NPAS3: variants seen among roughly 807,000 people sequenced by gnomAD.
NPAS3 encodes the protein neuronal PAS domain-containing protein 3.
A neutral mutation model predicts 73.1 loss-of-function variants in NPAS3; 14 were observed. That is an observed-to-expected ratio of 0.19 (90% CI 0.13 to 0.30). NPAS3 has a LOEUF of 0.30. NPAS3 is among the 10% of genes least tolerant of loss of function. NPAS3 has a pLI of 1.00. For missense variants in NPAS3, 1,096 were observed against 1,250.0 expected, an observed-to-expected ratio of 0.88 and a Z score of 1.86; for synonymous variants, 620 against 541.5, an observed-to-expected ratio of 1.14 and a Z score of -2.01.
chr14:33,793,914 T>C (rs769817003), exon 10 of NPAS3: 1 of 1,613,698 alleles, frequency 6.2e-7, no homozygotes, highest in Admixed American at 1.7e-5. Context: ...TAAGGGTCAG[T>C]GTGTGACAAA....
intron 6 of NPAS3, among the ~76,000 whole-genome samples, chr14:33,706,493 T>C (rs2060659773): frequency 6.6e-6 from 1 of 152,200 alleles, no homozygotes; most frequent in East Asian, 1.9e-4. Context: ...TAGATCTGGC[T>C]GTTTCTCATG....
At chr14:33,378,336 C>G (rs559947889) in intron 4 of NPAS3, among the ~76,000 whole-genome samples, 29 of 152,278 alleles carry the variant, frequency 1.9e-4, no homozygotes, top group African/African-American at 7.0e-4. Flanking sequence ...GAGCAAGTCA[C>G]TTCCTGTGAT....
chr14:33,436,795 T>C (rs939414160), intron 4 of NPAS3, among the ~76,000 whole-genome samples: 1 of 152,238 alleles, frequency 6.6e-6, no homozygotes, highest in African/African-American at 2.4e-5. Context: ...ACAATTCAGA[T>C]GCATACATGG....
intron 5 of NPAS3, among the ~76,000 whole-genome samples, chr14:33,599,574 A>G (rs573751606): frequency 1.3e-5 from 2 of 152,300 alleles, no homozygotes; most frequent in Non-Finnish European, 2.9e-5. Context: ...TTTAATATTC[A>G]TACTTCTAAA....
At chr14:33,309,661 T>C (rs1284091116) in intron 3 of NPAS3, among the ~76,000 whole-genome samples, 1 of 152,228 alleles carries the variant, frequency 6.6e-6, no homozygotes, top group Non-Finnish European at 1.5e-5. Context: ...TGTACCACTT[T>C]AAAGGAATGA....
At chr14:33,494,695 G>A (rs1013964168) in intron 4 of NPAS3, among the ~76,000 whole-genome samples, 6 of 152,006 alleles carry the variant, frequency 3.9e-5, no homozygotes, top group African/African-American at 1.2e-4. Flanking sequence ...TTAAACCATA[G>A]GTATATATTT....
chr14:33,655,169 G>T (rs74042357), intron 5 of NPAS3, among the ~76,000 whole-genome samples: 18,400 of 152,076 alleles, frequency 0.12, 1,440 homozygotes, highest in East Asian at 0.26. Flanking sequence ...ATCAACACAG[G>T]GAGGTAATCT....
chr14:33,024,942 T>A (rs1364624871), intron 1 of NPAS3, among the ~76,000 whole-genome samples: 1 of 152,190 alleles, frequency 6.6e-6, no homozygotes, highest in Non-Finnish European at 1.5e-5. Flanking sequence ...TCAGGTATAG[T>A]TTTGCCATTA....
At chr14:33,469,002 C>T (rs1019432935) in intron 4 of NPAS3, among the ~76,000 whole-genome samples, 1 of 152,110 alleles carries the variant, frequency 6.6e-6, no homozygotes, top group South Asian at 2.1e-4. Flanking sequence ...TCGGTATCTC[C>T]TACAGTTCTT....
intron 3 of NPAS3, among the ~76,000 whole-genome samples, chr14:33,270,854 A>T (rs1036585108): frequency 6.6e-6 from 1 of 152,142 alleles, no homozygotes; most frequent in Non-Finnish European, 1.5e-5. Flanking sequence ...ACCTTTCTGG[A>T]TGGATGGCAG....
At chr14:33,370,296 A>C (rs17100828) in intron 4 of NPAS3, among the ~76,000 whole-genome samples, 11,578 of 152,248 alleles carry the variant, frequency 0.076, 507 homozygotes, top group Middle Eastern at 0.14. Context: ...GCACCAAAGA[A>C]GACTTTTCAA....
intron 8 of NPAS3, among the ~76,000 whole-genome samples, chr14:33,775,502 C>T (rs967594511): frequency 3.3e-5 from 5 of 152,100 alleles, no homozygotes; most frequent in African/African-American, 1.2e-4. Context: ...GAAGATAGCC[C>T]CTGCATTCAG....
chr14:33,715,008 T>C (rs1247129910), intron 6 of NPAS3, among the ~76,000 whole-genome samples: 1 of 152,248 alleles, frequency 6.6e-6, no homozygotes, highest in Non-Finnish European at 1.5e-5. Context: ...ACATTCTCTT[T>C]TTCTCTTGCC....
chr14:33,760,282 A>G (rs893509493), intron 7 of NPAS3, among the ~76,000 whole-genome samples: 4 of 152,014 alleles, frequency 2.6e-5, no homozygotes, highest in Admixed American at 6.6e-5. Flanking sequence ...GGCTTTCCCA[A>G]TTTTACTCGG....
chr14:33,752,104 A>C (rs2061980939), intron 7 of NPAS3, among the ~76,000 whole-genome samples: 1 of 152,186 alleles, frequency 6.6e-6, no homozygotes, highest in South Asian at 2.1e-4. Context: ...CAAAGAAAAC[A>C]AAGAAAACCT....
intron 3 of NPAS3, among the ~76,000 whole-genome samples, chr14:33,327,194 T>A (rs2043747416): frequency 6.6e-6 from 1 of 152,236 alleles, no homozygotes; most frequent in Admixed American, 6.5e-5. Flanking sequence ...TTGAAAGGCT[T>A]CTGTACCTTT....
intron 3 of NPAS3, among the ~76,000 whole-genome samples, chr14:33,296,178 C>G (rs559270085): frequency 1.3e-5 from 2 of 152,254 alleles, no homozygotes; most frequent in Non-Finnish European, 2.9e-5. Flanking sequence ...GTTGGACTTT[C>G]CTTCTGCCAT....
chr14:33,463,091 G>A (rs189827131), intron 4 of NPAS3, among the ~76,000 whole-genome samples: 12 of 152,322 alleles, frequency 7.9e-5, no homozygotes, highest in African/African-American at 2.6e-4. Context: ...AATAGGTAAT[G>A]GCTTAGGAAG....
Position 33,789,583 on chromosome 14 carries a change from C to CTTTTTTTTTT in NPAS3, c.1154-4300_1154-4291dup, listed in dbSNP as rs10567527. 2.4e-3 allele frequency among the ~76,000 whole-genome samples: 224 copies of CTTTTTTTTTT among 92,376 alleles called. 22 individuals are homozygous for CTTTTTTTTTT. The highest frequency in any genetic ancestry group is 4.3e-3 in the African/African-American group (99 of 23,060). 60.6% of individuals were successfully genotyped at this position (92,376 alleles called of 152,430 possible). A position where few individuals can be genotyped will look rare whatever the true frequency, so the allele number is the denominator to read the frequency against. ...ACTAAAAGTAATTACTAGAGTACAA[C>CTTTTTTTTTT]TTTTTTTTTTTTTTTTTTTTTTTGA... On this transcript the variant is annotated intron_variant, in intron 9 of 11. Transcript: ENST00000356141.
Sources: allele counts gnomAD v4.1 joint callset (sites outside exome capture counted in the v4.1 genomes callset), GRCh38; gene constraint gnomAD v4.1.1; transcripts MANE v1.5; gene names NCBI Gene and HGNC (gene_info 2026-07-23, HGNC 2026-07-21).